The following RBFOX1 variants were observed in gnomAD, a reference collection of about 807,000 sequenced individuals.
RBFOX1 encodes the protein RNA binding protein fox-1 homolog 1.
RBFOX1 carries 8 observed loss-of-function variants against 57.7 expected under a neutral mutation model. The ratio of observed to expected loss-of-function variants is 0.14; its 90% CI spans 0.08 to 0.25. RBFOX1 has a LOEUF of 0.25. RBFOX1 is among the 10% of genes least tolerant of loss of function. RBFOX1 has a pLI of 1.00. For synonymous variants in RBFOX1, 326 were observed against 222.4 expected (o/e 1.47, Z -4.15); for missense variants, 611 against 548.5 (o/e 1.11, Z -1.14).
chr16:6,526,588 T>C (rs1470550730), intron 2 of RBFOX1, among the ~76,000 whole-genome samples: 1 of 151,872 alleles, frequency 6.6e-6, no homozygotes, highest in African/African-American at 2.4e-5. Context: ...CCCAGCACTT[T>C]GGGAGGTGGA....
At chr16:7,129,307 G>T (rs954782388) in intron 4 of RBFOX1, among the ~76,000 whole-genome samples, 5 of 152,090 alleles carry the variant, frequency 3.3e-5, no homozygotes, top group Non-Finnish European at 7.4e-5. Context: ...TCATCGGTTT[G>T]GTTAGATTTG....
At chr16:6,787,199 T>G (rs1428802811) in intron 3 of RBFOX1, among the ~76,000 whole-genome samples, 1 of 152,126 alleles carries the variant, frequency 6.6e-6, no homozygotes, top group Non-Finnish European at 1.5e-5. Context: ...TGTGGCACGC[T>G]TGGACAGAAA....
At chr16:6,864,319 C>T (rs1358890469) in intron 3 of RBFOX1, among the ~76,000 whole-genome samples, 2 of 152,070 alleles carry the variant, frequency 1.3e-5, no homozygotes, top group African/African-American at 4.8e-5. Context: ...TTATCCTATC[C>T]AGTTATTTCA....
chr16:6,537,281 A>G (rs1477345010), intron 2 of RBFOX1, among the ~76,000 whole-genome samples: 3 of 152,192 alleles, frequency 2.0e-5, no homozygotes, highest in Non-Finnish European at 2.9e-5. Flanking sequence ...GCAATATTTT[A>G]TAGGGTGTTA....
At chr16:7,543,951 C>G (rs540983012) in intron 5 of RBFOX1, among the ~76,000 whole-genome samples, 1 of 152,162 alleles carries the variant, frequency 6.6e-6, no homozygotes, top group Non-Finnish European at 1.5e-5. Flanking sequence ...GATCTCCTAA[C>G]TTCATGACCC....
intron 4 of RBFOX1, among the ~76,000 whole-genome samples, chr16:7,054,241 T>C (rs866513293): frequency 4.9e-4 from 47 of 96,662 alleles, no homozygotes; most frequent in African/African-American, 1.6e-3. Flanking sequence ...AGCTTTTTTT[T>C]TTTTTTTTTT....
chr16:7,228,729 C>G (rs2093307715), intron 4 of RBFOX1, among the ~76,000 whole-genome samples: 1 of 152,178 alleles, frequency 6.6e-6, no homozygotes. Flanking sequence ...AACATTAATT[C>G]CAAGGTGAAA....
chr16:7,534,279 G>C (rs1007041426), intron 5 of RBFOX1, among the ~76,000 whole-genome samples: 2 of 151,234 alleles, frequency 1.3e-5, no homozygotes, highest in Non-Finnish European at 2.9e-5. Flanking sequence ...TTTTAGTAGA[G>C]ATGGGGTTTC....
intron 4 of RBFOX1, among the ~76,000 whole-genome samples, chr16:7,456,659 G>T (rs1041919776): frequency 1.2e-4 from 19 of 152,108 alleles, no homozygotes; most frequent in African/African-American, 4.6e-4. Flanking sequence ...TCCCTTTCTT[G>T]CCTCAGCATC....
chr16:7,091,124 G>C (rs560610332), intron 4 of RBFOX1, among the ~76,000 whole-genome samples: 1 of 95,748 alleles, frequency 1.0e-5, no homozygotes, highest in Non-Finnish European at 2.1e-5. Flanking sequence ...TAACCTTTTC[G>C]TTTCTCTTTA....
intron 4 of RBFOX1, among the ~76,000 whole-genome samples, chr16:6,004,781 T>C (rs2060664244): frequency 6.6e-6 from 1 of 152,210 alleles, no homozygotes; most frequent in Non-Finnish European, 1.5e-5. Flanking sequence ...CTCGGAGTAC[T>C]TTTTATTGAC....
At chr16:6,087,109 C>T (rs566975503) in intron 1 of RBFOX1, among the ~76,000 whole-genome samples, 53 of 152,228 alleles carry the variant, frequency 3.5e-4, no homozygotes, top group African/African-American at 1.0e-3. Flanking sequence ...ATCCAATTTC[C>T]GTCAGCAAAT....
chr16:7,365,439 C>T (rs1029448948), intron 4 of RBFOX1, among the ~76,000 whole-genome samples: 9 of 152,132 alleles, frequency 5.9e-5, no homozygotes, highest in Admixed American at 3.3e-4. Flanking sequence ...TGTTGAATTG[C>T]TGTATTAAAA....
intron 3 of RBFOX1, among the ~76,000 whole-genome samples, chr16:7,005,606 G>A (rs1469392726): frequency 1.3e-5 from 2 of 152,166 alleles, no homozygotes; most frequent in South Asian, 2.1e-4. Flanking sequence ...GTGTTGGTAG[G>A]AGGTGGCTTG....
intron 1 of RBFOX1, among the ~76,000 whole-genome samples, chr16:6,227,788 C>T (rs777490484): frequency 2.0e-5 from 3 of 152,168 alleles, no homozygotes; most frequent in Admixed American, 6.5e-5. Context: ...TGGTTACTAA[C>T]TATAGAAATC....
At chr16:6,811,250 A>C (rs1396584410) in intron 3 of RBFOX1, among the ~76,000 whole-genome samples, 2 of 152,212 alleles carry the variant, frequency 1.3e-5, no homozygotes, top group Admixed American at 6.5e-5. Flanking sequence ...GAATGCCACA[A>C]AATTGAGTAA....
At chr16:6,224,055 A>G (rs944939534) in intron 1 of RBFOX1, among the ~76,000 whole-genome samples, 10 of 151,860 alleles carry the variant, frequency 6.6e-5, no homozygotes, top group Non-Finnish European at 1.0e-4. Context: ...TGTTCCATTG[A>G]TCTATATCTC....
At chr16:5,516,564 G>C (rs778509076) in intron 2 of RBFOX1, among the ~76,000 whole-genome samples, 3 of 152,206 alleles carry the variant, frequency 2.0e-5, no homozygotes, top group Non-Finnish European at 4.4e-5. Context: ...ATTCAAGACA[G>C]TGATTCTTTT....
chr16:5,724,410 A>T (rs2052055138), intron 3 of RBFOX1, among the ~76,000 whole-genome samples: 1 of 152,110 alleles, frequency 6.6e-6, no homozygotes, highest in African/African-American at 2.4e-5. Flanking sequence ...CATTTGGTCA[A>T]ACTGGCTTCC....
Sources: gnomAD v4.1 joint callset for allele counts (sites outside exome capture counted in the v4.1 genomes callset) on GRCh38, gnomAD v4.1.1 for gene constraint, MANE v1.5 for transcripts, NCBI Gene and HGNC (gene_info 2026-07-23, HGNC 2026-07-21) for gene names.